Variants in GALNT16 observed in about 807,000 individuals in gnomAD.
The protein encoded by GALNT16 is UDP-GalNAc:polypeptide N-acetylgalactosaminyltransferase-like protein 1.
Under a neutral mutation model 76.1 loss-of-function variants are expected in GALNT16, and 40 were observed. The ratio of observed to expected loss-of-function variants is 0.53; its 90% CI spans 0.41 to 0.68. The LOEUF (loss-of-function observed/expected upper bound fraction) is 0.68, where lower values mean the gene tolerates loss of function less well. GALNT16 is among the 30% of genes least tolerant of loss of function. The probability of loss-of-function intolerance (pLI) is 0.00; values close to 1 mark genes in which losing one functional copy is unlikely to be tolerated. For synonymous variants in GALNT16, 276 were observed against 285.2 expected (o/e 0.97, Z 0.32); for missense variants, 621 against 731.9 (o/e 0.85, Z 1.75).
chr14:69,328,668 G>A (rs2045316424), intron 6 of GALNT16, 97 bp downstream of exon 6: 5 of 1,326,244 alleles, frequency 3.8e-6, no homozygotes, highest in Admixed American at 2.1e-5. Context: ...AGCTGGGCAG[G>A]CATCGTAGGA....
At chr14:69,355,978 C>T (rs549588425), downstream of GALNT16, 1 of 152,362 alleles carries the variant, frequency 6.6e-6, no homozygotes, top group African/African-American at 2.4e-5. Context: ...CACCAGGGAA[C>T]AGGAAAGGAA....
At chr14:69,362,080 A>G in the GALNT16 span, among the ~76,000 whole-genome samples, 3 of 152,212 alleles carry the variant, frequency 2.0e-5, no homozygotes, top group African/African-American at 7.2e-5. Flanking sequence ...CCAAGAATAC[A>G]ATGTCCCGTG....
chr14:69,338,854 T>A, intron 10 of GALNT16, 77 bp downstream of exon 10: 1 of 1,220,502 alleles, frequency 8.2e-7, no homozygotes, highest in Non-Finnish European at 1.1e-6. Context: ...CAGTTATCAC[T>A]ATGTGACTGT....
At chr14:69,322,253 T>C (rs2140164987) in intron 2 of GALNT16, among the ~76,000 whole-genome samples, 1 of 152,348 alleles carries the variant, frequency 6.6e-6, no homozygotes, top group South Asian at 2.1e-4. Context: ...AGAAGTTCTT[T>C]CTCACCCAGT....
At chr14:69,266,235 G>A (rs966439419) in intron 1 of GALNT16, among the ~76,000 whole-genome samples, 1 of 152,166 alleles carries the variant, frequency 6.6e-6, no homozygotes, top group Non-Finnish European at 1.5e-5. Context: ...GGAAAAAAAT[G>A]CAAAAACGAT....
chr14:69,301,879 A>G (rs2044857990), intron 1 of GALNT16, among the ~76,000 whole-genome samples: 1 of 152,088 alleles, frequency 6.6e-6, no homozygotes, highest in African/African-American at 2.4e-5. Context: ...AGTACCAGCT[A>G]CTCGGGAGGC....
downstream of GALNT16, chr14:69,358,017 A>G (rs2045703916): frequency 6.6e-6 from 1 of 152,562 alleles, no homozygotes; most frequent in East Asian, 1.9e-4. Flanking sequence ...CCAGGGGGAA[A>G]GAAGGCTACC....
At chr14:69,277,041 A>G (rs912553966) in intron 1 of GALNT16, among the ~76,000 whole-genome samples, 1 of 152,182 alleles carries the variant, frequency 6.6e-6, no homozygotes, top group Non-Finnish European at 1.5e-5. Flanking sequence ...GGCACTGGTC[A>G]TGGAGAAAGG....
chr14:69,284,101 T>C (rs981195031), intron 1 of GALNT16, among the ~76,000 whole-genome samples: 6 of 152,210 alleles, frequency 3.9e-5, no homozygotes, highest in Non-Finnish European at 7.3e-5. Context: ...ATACAAACTT[T>C]GACCCTCTCC....
rs142070395 is a variant in GALNT16 at position 69,303,131 on chromosome 14, G to C, written c.178-17580G>C. On this transcript the variant is annotated intron_variant, in intron 1 of 14. Coordinates refer to ENST00000448469, the MANE Select transcript of GALNT16 (RefSeq NM_001168368.2). The stretch of plus-strand genomic sequence containing the variant: ...GGTTGTGAACATTTTAAAGGCTTTT[G>C]ATGCATTTGCCAAGTTGTTTTCTAC... Among the ~76,000 whole-genome samples the C allele has an allele frequency of 3.3e-5, 5 of 152,296 alleles. No homozygotes were observed. In the East Asian group the frequency reaches 9.6e-4, roughly 29 times the overall value.
chr14:69,309,319 T>C (rs1202922662), intron 1 of GALNT16, among the ~76,000 whole-genome samples: 2 of 151,632 alleles, frequency 1.3e-5, no homozygotes, highest in Non-Finnish European at 2.9e-5. Context: ...TTTTTTTTAT[T>C]TGAGACAGGG....
intron 5 of GALNT16, among the ~76,000 whole-genome samples, 177 bp downstream of exon 5, chr14:69,326,204 C>T (rs1210295381): frequency 3.3e-5 from 5 of 152,222 alleles, no homozygotes; most frequent in Non-Finnish European, 5.9e-5. Context: ...CCCATCAAGG[C>T]ACAACTGTAG....
At chr14:69,381,551 C>T in the GALNT16 span, among the ~76,000 whole-genome samples, 5 of 152,084 alleles carry the variant, frequency 3.3e-5, no homozygotes, top group Non-Finnish European at 7.3e-5. Context: ...AGCAGTAAAA[C>T]TCCAATGGGA....
intron 2 of GALNT16, among the ~76,000 whole-genome samples, chr14:69,323,257 CA>C (rs2045229765): frequency 6.6e-6 from 1 of 152,190 alleles, no homozygotes; most frequent in Non-Finnish European, 1.5e-5. Context: ...GCTCCAAACT[CA>C]AAACTCAGGG....
At position 69,333,846 on chromosome 14, in the gene GALNT16, T is replaced by C; in HGVS notation, c.967+246T>C. ...ACAGCTAGTAAACAAAGAGGTTCTA[T>C]TTAGGGGGAGCCCGTGGTCACATGG... On this transcript the variant is annotated intron_variant, in intron 9 of 14. Coordinates refer to ENST00000448469, the MANE Select transcript of GALNT16 (RefSeq NM_001168368.2). This position sits in a 1 kb window ranked among gnomAD's most constrained non-coding sequence, Gnocchi z 4.2. 2 of 476,074 alleles carry C rather than the reference T, an allele frequency of 4.2e-6. No individual in the cohort carries two copies. The highest frequency in any genetic ancestry group is 5.2e-5 in the South Asian group (2 of 38,176). The allele number at this position is 476,074 out of a possible 1,614,324, so 29.5% of individuals were successfully genotyped here.
the GALNT16 span, chr14:69,380,573 G>C: frequency 6.2e-7 from 1 of 1,608,928 alleles, no homozygotes; most frequent in Admixed American, 1.7e-5. Context: ...CGACGAAGGA[G>C]CACGTAGATC....
chr14:69,357,007 T>C (rs1305224330), downstream of GALNT16: 2 of 152,240 alleles, frequency 1.3e-5, no homozygotes, highest in African/African-American at 4.8e-5. Context: ...TTACTATTAT[T>C]AATAAACATT....
chr14:69,342,656 G>A (rs569773814), intron 12 of GALNT16, among the ~76,000 whole-genome samples: 1 of 152,284 alleles, frequency 6.6e-6, no homozygotes, highest in South Asian at 2.1e-4. Flanking sequence ...AAAACACAGG[G>A]AAATGTTTGC....
rs745536656 is a variant in GALNT16, at chr14:69,325,372, A to AG, written c.471dup (p.Ile158AspfsTer6). On this transcript the variant is annotated frameshift_variant, in exon 4 of 15. Coordinates refer to ENST00000448469, the MANE Select transcript of GALNT16 (RefSeq NM_001168368.2). LOFTEE classifies it high-confidence loss of function. ...CGAACTCCTGCCAACTTGATCCAGGAGATCATTTTAGTGGATGACTTCAGC... is the reference window on the plus strand; with the variant it reads ...CGAACTCCTGCCAACTTGATCCAGGAGGATCATTTTAGTGGATGACTTCAGC... 6.2e-7 allele frequency: 1 copy of AG among 1,602,300 alleles called. No individual in the cohort carries two copies. The highest frequency in any genetic ancestry group is 1.3e-5 in the African/African-American group (1 of 74,608).
Sources: allele counts gnomAD v4.1 joint callset (sites outside exome capture counted in the v4.1 genomes callset), GRCh38; gene constraint gnomAD v4.1.1; non-coding constraint Gnocchi (gnomAD v3.1); transcripts MANE v1.5; gene names NCBI Gene and HGNC (gene_info 2026-07-23, HGNC 2026-07-21).